The following MCC variants were observed in gnomAD, a reference collection of about 807,000 sequenced individuals.
MCC encodes the protein colorectal mutant cancer protein.
Under a neutral mutation model 116.2 loss-of-function variants are expected in MCC, and 90 were observed. The ratio of observed to expected loss-of-function variants is 0.77; its 90% CI spans 0.65 to 0.92. MCC has a LOEUF of 0.92. Ranked by LOEUF, MCC falls within the 40% of genes least tolerant of loss-of-function variation. The probability of loss-of-function intolerance (pLI) is 0.00; values close to 1 mark genes in which losing one functional copy is unlikely to be tolerated. For synonymous variants in MCC, 578 were observed against 510.5 expected (o/e 1.13, Z -1.78); for missense variants, 1,516 against 1,312.2 (o/e 1.16, Z -2.40).
chr5:113,073,267 C>T (rs60498444), intron 11 of MCC, among the ~76,000 whole-genome samples: 8,186 of 152,232 alleles, frequency 0.054, 280 homozygotes, highest in East Asian at 0.11. Context: ...GCTGCAGTTT[C>T]CACTGCTTTC....
At chr5:113,104,405 C>CT in intron 6 of MCC, 50 bp from the exon 7 acceptor site, 1 of 1,525,128 alleles carries the variant, frequency 6.6e-7, no homozygotes, top group South Asian at 1.3e-5. Context: ...CAAATGCTGT[C>CT]TGTTTTGCTT....
chr5:113,320,265 C>A (rs1044813016), intron 3 of MCC, among the ~76,000 whole-genome samples: 2 of 152,054 alleles, frequency 1.3e-5, no homozygotes, highest in African/African-American at 4.8e-5. Context: ...AGTACACACA[C>A]ACACACACAA....
At chr5:113,224,155 T>C (rs1185945863) in intron 3 of MCC, among the ~76,000 whole-genome samples, 1 of 152,076 alleles carries the variant, frequency 6.6e-6, no homozygotes, top group Non-Finnish European at 1.5e-5. Context: ...AGTGCAGTGG[T>C]GTGATTTCGG....
At chr5:113,075,300 A>G (rs1754355993) in intron 11 of MCC, among the ~76,000 whole-genome samples, 1 of 152,158 alleles carries the variant, frequency 6.6e-6, no homozygotes, top group South Asian at 2.1e-4. Flanking sequence ...CCTGCAGCCT[A>G]CCATGCCCGA....
Position 113,488,286 on chromosome 5 carries a change from G to T in MCC, c.129C>A (p.Leu43=). The change falls in exon 1 of 19, where the codon CTC becomes CTA. Residue 43 remains leucine (L), a synonymous_variant. Transcript: ENST00000408903. ...CCCCGTCGCCGTCGCACGTCTGGAA[G>T]AGGCGCCGCATCCTCTCCTCCTCGC... The part of the protein sequence containing the change: ...STGEEERMRR[L]FQTCDGDGDG... 6.3e-7 allele frequency: 1 copy of T among 1,595,508 alleles called. No individual in the cohort carries two copies. Among genetic ancestry groups the T allele is most frequent in the Non-Finnish European group, 8.5e-7 (1 of 1,171,998 alleles).
intron 3 of MCC, among the ~76,000 whole-genome samples, chr5:113,241,484 T>C (rs73244773): frequency 0.031 from 4,668 of 152,256 alleles, 186 homozygotes; most frequent in African/African-American, 0.092. Flanking sequence ...TTGGAGAGAC[T>C]GTATACCACA....
At chr5:113,042,607 A>T (rs907323644) in intron 17 of MCC, among the ~76,000 whole-genome samples, 1 of 152,040 alleles carries the variant, frequency 6.6e-6, no homozygotes, top group Admixed American at 6.6e-5. Flanking sequence ...CAATGAACCT[A>T]ACTAAAGAAT....
intron 1 of MCC, among the ~76,000 whole-genome samples, chr5:113,457,382 C>T (rs552820486): frequency 5.3e-5 from 8 of 152,362 alleles, no homozygotes; most frequent in East Asian, 1.9e-4. Context: ...TGCCTTCCCG[C>T]GGAGCAGGCC....
At chr5:113,344,964 T>C (rs1768097814) in intron 2 of MCC, among the ~76,000 whole-genome samples, 1 of 151,868 alleles carries the variant, frequency 6.6e-6, no homozygotes, top group Non-Finnish European at 1.5e-5. Context: ...TCAGCCACAG[T>C]GGGGTAGAGC....
At chr5:113,303,699 C>T (rs530515509) in intron 3 of MCC, among the ~76,000 whole-genome samples, 2 of 152,108 alleles carry the variant, frequency 1.3e-5, no homozygotes, top group African/African-American at 2.4e-5. Flanking sequence ...CTCACTCTGT[C>T]GCCCAGGCAA....
chr5:113,313,813 T>C (rs894962299), intron 3 of MCC, among the ~76,000 whole-genome samples: 34 of 148,610 alleles, frequency 2.3e-4, no homozygotes, highest in African/African-American at 8.9e-4. Flanking sequence ...TTTTTTGTTT[T>C]GTTTTGTTTG....
chr5:113,260,145 C>A (rs1045387362), intron 3 of MCC, among the ~76,000 whole-genome samples: 2 of 151,662 alleles, frequency 1.3e-5, no homozygotes, highest in Non-Finnish European at 2.9e-5. Flanking sequence ...TTTTTGTTTT[C>A]AGGATCCGTT....
intron 1 of MCC, among the ~76,000 whole-genome samples, chr5:113,458,622 G>A (rs1771649890): frequency 6.6e-6 from 1 of 152,170 alleles, no homozygotes; most frequent in African/African-American, 2.4e-5. Context: ...AAAGCACAAT[G>A]GATAAAAATG....
At chr5:113,183,612 T>C (rs1403646407) in intron 3 of MCC, among the ~76,000 whole-genome samples, 2 of 152,134 alleles carry the variant, frequency 1.3e-5, no homozygotes, top group Non-Finnish European at 2.9e-5. Flanking sequence ...GCTGCATTAA[T>C]TGGAATACTG....
chr5:113,377,966 C>T (rs769084651), intron 2 of MCC, among the ~76,000 whole-genome samples: 3 of 152,048 alleles, frequency 2.0e-5, no homozygotes. Context: ...TGAAGGCTAT[C>T]GTGTGTGACT....
At chr5:113,296,521 T>C (rs1169705743) in intron 3 of MCC, among the ~76,000 whole-genome samples, 3 of 152,046 alleles carry the variant, frequency 2.0e-5, no homozygotes, top group Non-Finnish European at 2.9e-5. Context: ...AGATGGGAAG[T>C]AAGGGGAAAG....
intron 3 of MCC, among the ~76,000 whole-genome samples, chr5:113,289,535 T>C (rs565936642): frequency 6.6e-6 from 1 of 152,134 alleles, no homozygotes; most frequent in African/African-American, 2.4e-5. Flanking sequence ...ACAGAAATGA[T>C]CCTGTGCCCG....
intron 3 of MCC, among the ~76,000 whole-genome samples, chr5:113,188,325 GC>G (rs1407577665): frequency 6.6e-6 from 1 of 152,016 alleles, no homozygotes; most frequent in Non-Finnish European, 1.5e-5. Flanking sequence ...CCAAAAGGAG[GC>G]AAAAAAGATT....
chr5:113,390,290 T>C lies in MCC; in HGVS notation c.171-5078A>G, dbSNP rs1248595216. ...TCTAAGTCGTTATTGTTACAAATGC[T>C]TTAAAAGGTGTTTCATACTCATATT... is the stretch of plus-strand genomic sequence containing the variant. On this transcript the variant is annotated intron_variant, in intron 1 of 18. Transcript: ENST00000408903. Among the ~76,000 whole-genome samples, 5 of 152,328 alleles carry C rather than the reference T, an allele frequency of 3.3e-5. No homozygotes were observed. The East Asian group carries it at 9.6e-4, about 29-fold the overall frequency.
Sources: gnomAD v4.1 joint callset for allele counts (sites outside exome capture counted in the v4.1 genomes callset) on GRCh38, gnomAD v4.1.1 for gene constraint, MANE v1.5 for transcripts, NCBI Gene and HGNC (gene_info 2026-07-23, HGNC 2026-07-21) for gene names.